The following TCEA3 variants were observed in gnomAD, a reference collection of about 807,000 sequenced individuals.
The protein encoded by TCEA3 is transcription elongation factor A protein 3.
TCEA3 carries 36 observed loss-of-function variants against 44.0 expected under a neutral mutation model. The ratio of observed to expected loss-of-function variants is 0.82; its 90% CI spans 0.63 to 1.08. The LOEUF (loss-of-function observed/expected upper bound fraction) is 1.08. TCEA3 is among the 50% of genes least tolerant of loss of function. The probability of loss-of-function intolerance (pLI) is 0.00; values close to 1 mark genes in which losing one functional copy is unlikely to be tolerated. For missense variants in TCEA3, 392 were observed against 441.2 expected (o/e 0.89, Z 1.00); for synonymous variants, 162 against 159.7 (o/e 1.01, Z -0.11).
chr1:23,414,641 T>A (rs1039608919), intron 4 of TCEA3, among the ~76,000 whole-genome samples: 1 of 152,098 alleles, frequency 6.6e-6, no homozygotes, highest in South Asian at 2.1e-4. Flanking sequence ...GACCTTGTGA[T>A]CCACCTGCCT....
At position 23,387,254 on chromosome 1, in the gene TCEA3, G is replaced by A. The variant is rs374059683; in HGVS notation, c.966+19C>T. The A allele has an allele frequency of 1.5e-4, 248 of 1,611,424 alleles. 1 individual carries two copies. Among genetic ancestry groups the A allele is most frequent in the Non-Finnish European group, 2.1e-4 (242 of 1,179,000 alleles). The stretch of plus-strand genomic sequence containing the variant: ...CTGCGGCCTCCTGCACCTCCGGCCC[G>A]TCCCCTCACTGTCCTTACCTGGTTA... On this transcript the variant is annotated intron_variant, in intron 9 of 10. Transcript: ENST00000450454.
intron 9 of TCEA3, 23 bp from the exon 10 acceptor site, chr1:23,384,440 A>T: frequency 6.2e-7 from 1 of 1,610,594 alleles, no homozygotes; most frequent in Non-Finnish European, 8.5e-7. Context: ...AGAACCACTC[A>T]TGAAGTCACT....
chr1:23,399,136 GTATATATGTA>G lies in TCEA3; in HGVS notation c.444-1191_444-1182del, dbSNP rs1168180523. Among the ~76,000 whole-genome samples the G allele has an allele frequency of 3.7e-4, 22 of 58,688 alleles. 1 individual carries two copies. The highest frequency in any genetic ancestry group is 1.2e-3 in the Admixed American group (5 of 4,198). The allele number at this position is 58,688 out of a possible 152,430, so 38.5% of individuals were successfully genotyped here. A position where few individuals can be genotyped will look rare whatever the true frequency, so the allele number is the denominator to read the frequency against. The stretch of plus-strand genomic sequence containing the variant: ...TCATTCAGGTTTTGTTTATATATAT[GTATATATGTA>G]TATATATATATATATATATATATAT... On this transcript the variant is annotated intron_variant, in intron 5 of 10. Coordinates refer to ENST00000450454, the MANE Select transcript of TCEA3 (RefSeq NM_003196.3).
At chr1:23,390,779 T>C (rs74062705) in intron 8 of TCEA3, among the ~76,000 whole-genome samples, 12,308 of 151,292 alleles carry the variant, frequency 0.081, 1,674 homozygotes, top group African/African-American at 0.28. Flanking sequence ...GAAATGAGAG[T>C]CAGAGACCAC....
chr1:23,385,458 A>G (rs1638807966), intron 9 of TCEA3, among the ~76,000 whole-genome samples: 1 of 152,204 alleles, frequency 6.6e-6, no homozygotes, highest in South Asian at 2.1e-4. Flanking sequence ...CTCCACACGG[A>G]AAGGTGCTTG....
intron 5 of TCEA3, among the ~76,000 whole-genome samples, chr1:23,398,212 C>T (rs1459361629): frequency 6.6e-6 from 1 of 152,174 alleles, no homozygotes; most frequent in Admixed American, 6.5e-5. Context: ...TAAAGGTGCA[C>T]TTGGCTCAGA....
chr1:23,413,731 G>A (rs563532708), intron 4 of TCEA3, among the ~76,000 whole-genome samples: 1 of 152,306 alleles, frequency 6.6e-6, no homozygotes, highest in African/African-American at 2.4e-5. Context: ...ACTGAGCCTG[G>A]CCTGGCCTGT....
At chr1:23,400,373 C>CTTTTTTTTT (rs67325313) in intron 5 of TCEA3, among the ~76,000 whole-genome samples, 6 of 133,464 alleles carry the variant, frequency 4.5e-5, no homozygotes, top group African/African-American at 1.5e-4. Flanking sequence ...CCACACCAGG[C>CTTTTTTTTT]TTTTTTTTTT....
Position 23,405,252 on chromosome 1 carries a change from T to G in TCEA3, c.443+3412A>C, listed in dbSNP as rs1639509231. 2.0e-5 allele frequency among the ~76,000 whole-genome samples: 3 copies of G among 151,706 alleles called. No homozygotes were observed. The South Asian group carries it at 6.2e-4, about 32-fold the overall frequency. On this transcript the variant is annotated intron_variant, in intron 5 of 10. Coordinates refer to ENST00000450454, the MANE Select transcript of TCEA3 (RefSeq NM_003196.3). The stretch of plus-strand genomic sequence containing the variant: ...TGGATGAAAGAACGGAAGAGAAAAA[T>G]GAAATAGAGAAGTAAATCATGCAGG...
Position 23,383,002 on chromosome 1 carries a change from G to C in TCEA3, c.1038+1344C>G, listed in dbSNP as rs374173706. Among the ~76,000 whole-genome samples the C allele has an allele frequency of 4.6e-5, 7 of 152,188 alleles. No individual in the cohort carries two copies. In the South Asian group the frequency reaches 1.2e-3, roughly 27 times the overall value. On this transcript the variant is annotated intron_variant, in intron 10 of 10. Coordinates refer to ENST00000450454, the MANE Select transcript of TCEA3 (RefSeq NM_003196.3). ...TTAGTAAGAAAAATAATTAGAGGCC[G>C]GGCGCGGCGGCTCACGCCTGTAATC... is the stretch of plus-strand genomic sequence containing the variant.
At chr1:23,410,734 G>A (rs537611571) in intron 4 of TCEA3, 1 of 152,202 alleles carries the variant, frequency 6.6e-6, no homozygotes, top group East Asian at 2.0e-4. Flanking sequence ...CTGGGAGATG[G>A]TGGTTCCAGT....
chr1:23,415,806 G>A (rs1454949992), intron 4 of TCEA3, among the ~76,000 whole-genome samples: 1 of 152,150 alleles, frequency 6.6e-6, no homozygotes, highest in Non-Finnish European at 1.5e-5. Flanking sequence ...CAATGGAAAG[G>A]AACAGAACAT....
intron 4 of TCEA3, among the ~76,000 whole-genome samples, chr1:23,410,268 G>A (rs545482044): frequency 1.3e-5 from 2 of 152,104 alleles, no homozygotes; most frequent in Non-Finnish European, 2.9e-5. Flanking sequence ...TTCCTACAGT[G>A]GGAGAGGGGA....
intron 8 of TCEA3, among the ~76,000 whole-genome samples, chr1:23,387,857 G>A (rs758509372): frequency 6.6e-6 from 1 of 152,092 alleles, no homozygotes; most frequent in Non-Finnish European, 1.5e-5. Flanking sequence ...CTGCCCTGCT[G>A]TTCTGCTTAG....
intron 8 of TCEA3, among the ~76,000 whole-genome samples, chr1:23,390,443 T>C (rs140027741): frequency 0.057 from 8,720 of 152,094 alleles, 303 homozygotes; most frequent in Non-Finnish European, 0.087. Context: ...ATTATGCCAT[T>C]GCACTCCAGC....
At position 23,381,292 on chromosome 1, in the gene TCEA3, T is replaced by A; in HGVS notation, c.*174A>T. The A allele has an allele frequency of 1.6e-6, 1 of 626,598 alleles. No individual in the cohort carries two copies. The highest frequency in any genetic ancestry group is 2.9e-6 in the Non-Finnish European group (1 of 344,412). 38.8% of individuals were successfully genotyped at this position (626,598 alleles called of 1,614,324 possible). Reference sequence around the variant, plus strand: ...CAATTAGGCTCCCCCATTAACCAATTGTTTCTAATGACCGATTATTAATTT... The same window carrying A: ...CAATTAGGCTCCCCCATTAACCAATAGTTTCTAATGACCGATTATTAATTT... On this transcript the variant is annotated 3_prime_UTR_variant, in exon 11 of 11. Transcript: ENST00000450454.
chr1:23,394,116 A>G, intron 7 of TCEA3, 83 bp from the exon 8 acceptor site: 1 of 1,517,378 alleles, frequency 6.6e-7, no homozygotes, highest in East Asian at 2.3e-5. Context: ...AGAGCTCCAG[A>G]ACCCTTTCTT....
chr1:23,396,683 T>C (rs1373551240), intron 7 of TCEA3, among the ~76,000 whole-genome samples: 1 of 151,984 alleles, frequency 6.6e-6, no homozygotes, highest in Non-Finnish European at 1.5e-5. Flanking sequence ...ATTGCAGTGC[T>C]TGATATATAT....
intron 5 of TCEA3, among the ~76,000 whole-genome samples, chr1:23,401,384 TC>T (rs1245341242): frequency 6.6e-6 from 1 of 152,206 alleles, no homozygotes; most frequent in African/African-American, 2.4e-5. Flanking sequence ...AAACTTACTG[TC>T]CTAGATTAAT....
Sources: gnomAD v4.1 joint callset for allele counts (sites outside exome capture counted in the v4.1 genomes callset) on GRCh38, gnomAD v4.1.1 for gene constraint, MANE v1.5 for transcripts, NCBI Gene and HGNC (gene_info 2026-07-23, HGNC 2026-07-21) for gene names.